EDAR: variants seen among roughly 807,000 people sequenced by gnomAD.
The protein encoded by EDAR is tumor necrosis factor receptor superfamily member EDAR.
EDAR carries 38 observed loss-of-function variants against 51.3 expected under a neutral mutation model. That is an observed-to-expected ratio of 0.74 (90% confidence interval 0.57 to 0.97). EDAR has a LOEUF of 0.97. Ranked by LOEUF, EDAR falls within the 50% of genes least tolerant of loss-of-function variation. The probability of loss-of-function intolerance (pLI) is 0.00; values close to 1 mark genes in which losing one functional copy is unlikely to be tolerated. For synonymous variants in EDAR, 227 were observed against 242.1 expected (o/e 0.94, Z 0.58); for missense variants, 528 against 595.0 (o/e 0.89, Z 1.17).
chr2:108,936,478 GC>G (rs1162417048), intron 1 of EDAR, among the ~76,000 whole-genome samples: 1 of 42,650 alleles, frequency 2.3e-5, no homozygotes, highest in Non-Finnish European at 8.9e-5. Context: ...AGAGCTGGCT[GC>G]GGGCTCCCTG....
At chr2:108,921,064 T>C (rs1386583499) in intron 5 of EDAR, among the ~76,000 whole-genome samples, 3 of 151,966 alleles carry the variant, frequency 2.0e-5, no homozygotes, top group Non-Finnish European at 2.9e-5. Context: ...GCAATTCGAG[T>C]CATAAGAAAC....
intron 1 of EDAR, among the ~76,000 whole-genome samples, chr2:108,954,783 C>T (rs2104381117): frequency 6.6e-6 from 1 of 152,142 alleles, no homozygotes; most frequent in East Asian, 1.9e-4. Flanking sequence ...TCAAGCGATT[C>T]TCCTGTCTCA....
At chr2:108,972,186 G>A (rs1399948201) in intron 1 of EDAR, among the ~76,000 whole-genome samples, 4 of 152,242 alleles carry the variant, frequency 2.6e-5, no homozygotes, top group African/African-American at 9.6e-5. Context: ...AGTTACATTT[G>A]GGAGTCATTT....
chr2:108,934,310 AGG>A (rs1697426676), intron 1 of EDAR, among the ~76,000 whole-genome samples: 2 of 152,078 alleles, frequency 1.3e-5, no homozygotes, highest in African/African-American at 4.8e-5. Context: ...TACAGGCAGG[AGG>A]TGGGCCACTG....
At chr2:108,919,408 G>T (rs1697090243) in intron 5 of EDAR, among the ~76,000 whole-genome samples, 1 of 152,108 alleles carries the variant, frequency 6.6e-6, no homozygotes, top group Non-Finnish European at 1.5e-5. Flanking sequence ...GCCCAGGCTG[G>T]AGTGCAATGG....
chr2:108,944,993 C>T (rs910387639), intron 1 of EDAR, among the ~76,000 whole-genome samples: 2 of 152,172 alleles, frequency 1.3e-5, no homozygotes, highest in African/African-American at 2.4e-5. Context: ...CAGTGATCAC[C>T]GTATTATACC....
At chr2:108,944,190 T>A (rs774651909) in intron 1 of EDAR, among the ~76,000 whole-genome samples, 8 of 152,326 alleles carry the variant, frequency 5.3e-5, no homozygotes, top group Admixed American at 3.3e-4. Flanking sequence ...CTCGGCTCAC[T>A]GCAACCTCTG....
intron 1 of EDAR, among the ~76,000 whole-genome samples, chr2:108,960,645 T>C (rs897591373): frequency 6.6e-6 from 1 of 152,172 alleles, no homozygotes; most frequent in African/African-American, 2.4e-5. Flanking sequence ...CTACTAATTG[T>C]AAAGAAGTTT....
chr2:108,927,043 C>T (rs949339606), intron 4 of EDAR, among the ~76,000 whole-genome samples: 2 of 152,178 alleles, frequency 1.3e-5, no homozygotes, highest in Non-Finnish European at 2.9e-5. Context: ...GGAGGTGAGG[C>T]GGGGGCCTTC....
In EDAR at chr2:108,912,526, G is replaced by A. The variant is rs1025272076; in HGVS notation, c.529+152C>T. On this transcript the variant is annotated intron_variant, in intron 6 of 11. Coordinates refer to ENST00000258443, the MANE Select transcript of EDAR (RefSeq NM_022336.4). Reference sequence around the variant, plus strand: ...GCAGATATAATGACTTCCTGCACGGGGGGCAACATGTCATTCAATTACATT... The same window carrying A: ...GCAGATATAATGACTTCCTGCACGGAGGGCAACATGTCATTCAATTACATT... 9.3e-6 allele frequency: 7 copies of A among 753,714 alleles called. No individual in the cohort carries two copies. The African/African-American group carries it at 1.2e-4, about 13-fold the overall frequency. 46.7% of individuals were successfully genotyped at this position (753,714 alleles called of 1,614,324 possible).
At chr2:108,912,568 G>A (rs1296681446) in intron 6 of EDAR, 110 bp downstream of exon 6, 1 of 1,050,470 alleles carries the variant, frequency 9.5e-7, no homozygotes, top group Non-Finnish European at 1.4e-6. Flanking sequence ...GTGAGGCCAG[G>A]TGGGGAAGCG....
chr2:108,897,297 T>A, intron 11 of EDAR, 68 bp from the exon 12 acceptor site: 3 of 1,408,138 alleles, frequency 2.1e-6, no homozygotes, highest in Non-Finnish European at 3.0e-6. Context: ...CACTGAAAAA[T>A]TATTTAAATG....
At chr2:108,959,052 A>C (rs1318609594) in intron 1 of EDAR, among the ~76,000 whole-genome samples, 1 of 152,226 alleles carries the variant, frequency 6.6e-6, no homozygotes, top group Non-Finnish European at 1.5e-5. Context: ...AATCATGCTT[A>C]GAAAGTGGGT....
intron 1 of EDAR, among the ~76,000 whole-genome samples, chr2:108,967,631 T>C (rs149320130): frequency 6.6e-6 from 1 of 152,316 alleles, no homozygotes; most frequent in African/African-American, 2.4e-5. Flanking sequence ...ACAGAGTGTG[T>C]CTTTGTAGGA....
intron 5 of EDAR, among the ~76,000 whole-genome samples, chr2:108,914,493 A>G (rs1271566196): frequency 6.6e-6 from 1 of 152,134 alleles, no homozygotes; most frequent in Non-Finnish European, 1.5e-5. Context: ...CTTCTATGGA[A>G]AAAGTGTGAC....
intron 1 of EDAR, among the ~76,000 whole-genome samples, chr2:108,940,968 G>A (rs1440543802): frequency 6.6e-6 from 1 of 152,196 alleles, no homozygotes; most frequent in African/African-American, 2.4e-5. Context: ...CCTGTGGCTT[G>A]ATACAGAGCC....
At chr2:108,973,481 C>T (rs1698270567) in intron 1 of EDAR, among the ~76,000 whole-genome samples, 1 of 152,144 alleles carries the variant, frequency 6.6e-6, no homozygotes, top group Non-Finnish European at 1.5e-5. Context: ...CCAGTGCTTT[C>T]CAGTACCTGA....
chr2:108,952,619 C>A (rs1280336539), intron 1 of EDAR, among the ~76,000 whole-genome samples: 1 of 152,176 alleles, frequency 6.6e-6, no homozygotes, highest in East Asian at 1.9e-4. Context: ...TCATTAAATC[C>A]AACTTTTTCT....
intron 11 of EDAR, among the ~76,000 whole-genome samples, chr2:108,899,316 G>A (rs892794303): frequency 6.6e-6 from 1 of 152,224 alleles, no homozygotes; most frequent in Admixed American, 6.5e-5. Flanking sequence ...TGCATACCAG[G>A]TTGCAGTGAG....
Sources: allele counts gnomAD v4.1 joint callset (sites outside exome capture counted in the v4.1 genomes callset), GRCh38; gene constraint gnomAD v4.1.1; transcripts MANE v1.5; gene names NCBI Gene and HGNC (gene_info 2026-07-23, HGNC 2026-07-21).